The following KSR2 variants were observed in gnomAD, a reference collection of about 807,000 sequenced individuals.
The protein encoded by KSR2 is kinase suppressor of ras 2.
KSR2 carries 25 observed loss-of-function variants against 107.8 expected under a neutral mutation model. That is an observed-to-expected ratio of 0.23 (90% confidence interval 0.17 to 0.32). The LOEUF is 0.32. Ranked by LOEUF, KSR2 falls within the 10% of genes least tolerant of loss-of-function variation. The pLI is 1.00. For synonymous variants in KSR2, 480 were observed against 507.0 expected, an observed-to-expected ratio of 0.95 and a Z score of 0.71; for missense variants, 887 against 1,268.9, an observed-to-expected ratio of 0.70 and a Z score of 4.57.
At chr12:117,763,547 A>G (rs1438809975) in intron 3 of KSR2, among the ~76,000 whole-genome samples, 1 of 152,132 alleles carries the variant, frequency 6.6e-6, no homozygotes, top group Admixed American at 6.5e-5. Flanking sequence ...TCACTTTCCT[A>G]GGTCTCTTTC....
chr12:117,823,199 G>A (rs1228584604), intron 3 of KSR2, among the ~76,000 whole-genome samples: 1 of 151,970 alleles, frequency 6.6e-6, no homozygotes. Context: ...AGGAAGGAGT[G>A]GACTGGGTCT....
At chr12:117,673,833 G>A (rs1042545460) in intron 4 of KSR2, among the ~76,000 whole-genome samples, 1 of 152,210 alleles carries the variant, frequency 6.6e-6, no homozygotes, top group Non-Finnish European at 1.5e-5. Context: ...CTGTCACACA[G>A]ATGTCTCATC....
At chr12:117,952,476 C>T (rs1183087945) in intron 1 of KSR2, among the ~76,000 whole-genome samples, 1 of 151,708 alleles carries the variant, frequency 6.6e-6, no homozygotes, top group Non-Finnish European at 1.5e-5. Flanking sequence ...TAGCAAAACC[C>T]CGTCTCTACA....
chr12:117,812,285 A>G (rs1281595577), intron 3 of KSR2, among the ~76,000 whole-genome samples: 2 of 152,222 alleles, frequency 1.3e-5, no homozygotes. Context: ...CTCCGTAAAA[A>G]TATTTTATAT....
chr12:117,546,336 T>TTTGAATGG (rs1333079391), intron 9 of KSR2, among the ~76,000 whole-genome samples: 6 of 152,226 alleles, frequency 3.9e-5, no homozygotes, highest in Non-Finnish European at 5.9e-5. Flanking sequence ...TTTGTTGTCA[T>TTTGAATGG]TTGAATGGTT....
intron 4 of KSR2, among the ~76,000 whole-genome samples, chr12:117,670,384 G>A (rs141812214): frequency 7.6e-4 from 116 of 152,262 alleles, no homozygotes; most frequent in African/African-American, 2.7e-3. Context: ...TCTCTCCAAT[G>A]ATGAGGACAC....
chr12:117,601,064 T>C (rs766993321), intron 5 of KSR2, among the ~76,000 whole-genome samples: 3 of 152,172 alleles, frequency 2.0e-5, no homozygotes, highest in Non-Finnish European at 4.4e-5. Flanking sequence ...TACATGAGCA[T>C]CTGGAGTCTA....
intron 16 of KSR2, among the ~76,000 whole-genome samples, chr12:117,482,918 T>G (rs1054394798): frequency 1.3e-5 from 2 of 152,208 alleles, no homozygotes; most frequent in Admixed American, 1.3e-4. Flanking sequence ...AATACTTGGG[T>G]TGACAGTGAA....
rs548524606 is a variant in KSR2, at chr12:117,486,159, C to T, written c.2220-468G>A. On this transcript the variant is annotated intron_variant, in intron 14 of 19. Transcript: ENST00000339824. Reference sequence around the variant, plus strand: ...ATGTGTATTAAGTATCATCAGCAAACGATGCAGTCAATTGTTTGGACAGGG... The same window carrying T: ...ATGTGTATTAAGTATCATCAGCAAATGATGCAGTCAATTGTTTGGACAGGG... Among the ~76,000 whole-genome samples, 352 of 152,252 alleles carry T rather than the reference C, an allele frequency of 2.3e-3. 1 individual carries two copies. The highest frequency in any genetic ancestry group is 3.7e-3 in the Non-Finnish European group (250 of 68,028).
chr12:117,850,887 A>G (rs1892896186), intron 3 of KSR2, among the ~76,000 whole-genome samples: 1 of 152,142 alleles, frequency 6.6e-6, no homozygotes, highest in Non-Finnish European at 1.5e-5. Context: ...AATAGTGAGC[A>G]GAAACAAGTA....
intron 1 of KSR2, among the ~76,000 whole-genome samples, chr12:117,925,761 C>T (rs541539915): frequency 1.3e-5 from 2 of 152,138 alleles, no homozygotes; most frequent in African/African-American, 4.8e-5. Context: ...TGCTCAAAGA[C>T]GCATGGCTAG....
chr12:117,585,270 A>G (rs1182571049), intron 5 of KSR2, among the ~76,000 whole-genome samples: 3 of 152,146 alleles, frequency 2.0e-5, no homozygotes, highest in African/African-American at 7.2e-5. Context: ...CTCTCCATCA[A>G]AAATCCCCCA....
intron 5 of KSR2, among the ~76,000 whole-genome samples, chr12:117,610,779 C>A (rs1004635833): frequency 1.4e-5 from 2 of 145,384 alleles, no homozygotes; most frequent in African/African-American, 5.0e-5. Flanking sequence ...GAAAATAAAA[C>A]CCCCACACGC....
At chr12:117,590,075 T>C (rs1053501753) in intron 5 of KSR2, among the ~76,000 whole-genome samples, 1 of 152,244 alleles carries the variant, frequency 6.6e-6, no homozygotes, top group Non-Finnish European at 1.5e-5. Context: ...AGAGATCATA[T>C]ACAGGGATTT....
intron 3 of KSR2, among the ~76,000 whole-genome samples, chr12:117,833,039 G>T (rs1892042610): frequency 6.6e-6 from 1 of 152,146 alleles, no homozygotes; most frequent in Non-Finnish European, 1.5e-5. Flanking sequence ...GGCGGGGGGT[G>T]GTGGAGGCGG....
intron 4 of KSR2, among the ~76,000 whole-genome samples, chr12:117,727,091 A>G (rs1593172537): frequency 6.6e-6 from 1 of 152,092 alleles, no homozygotes; most frequent in Non-Finnish European, 1.5e-5. Flanking sequence ...TTATAAGAAA[A>G]GAGGGCTTGT....
intron 9 of KSR2, among the ~76,000 whole-genome samples, chr12:117,552,551 A>G (rs142676143): frequency 6.6e-6 from 1 of 152,340 alleles, no homozygotes; most frequent in Non-Finnish European, 1.5e-5. Context: ...AGGACACCCA[A>G]GCATTACAGC....
chr12:117,837,674 G>T (rs1892283045), intron 3 of KSR2, among the ~76,000 whole-genome samples: 1 of 152,142 alleles, frequency 6.6e-6, no homozygotes, highest in South Asian at 2.1e-4. Flanking sequence ...GCCACTGAGA[G>T]CATCCTGGTA....
chr12:117,535,602 AG>A (rs1277973454), intron 10 of KSR2, among the ~76,000 whole-genome samples: 1 of 112,098 alleles, frequency 8.9e-6, no homozygotes, highest in Non-Finnish European at 1.7e-5. Context: ...CATTTCCTGG[AG>A]TTGTGTGTGT....
Sources: gnomAD v4.1 joint callset for allele counts (sites outside exome capture counted in the v4.1 genomes callset) on GRCh38, gnomAD v4.1.1 for gene constraint, MANE v1.5 for transcripts, NCBI Gene and HGNC (gene_info 2026-07-23, HGNC 2026-07-21) for gene names.